Variants in ITSN1 observed in about 807,000 individuals in gnomAD.
ITSN1 encodes intersectin-1.
Under a neutral mutation model 239.8 loss-of-function variants are expected in ITSN1, and 58 were observed. The observed-to-expected ratio is 0.24, with a 90% CI of 0.20 to 0.30. The LOEUF (loss-of-function observed/expected upper bound fraction) is 0.30. Ranked by LOEUF, ITSN1 falls within the 10% of genes least tolerant of loss-of-function variation. The pLI is 1.00. For missense variants in ITSN1, 1,558 were observed against 2,103.3 expected (o/e 0.74, Z 5.07); for synonymous variants, 780 against 770.8 (o/e 1.01, Z -0.20).
At chr21:33,851,733 CT>C (rs112609513) in intron 29 of ITSN1, among the ~76,000 whole-genome samples, 5,051 of 98,578 alleles carry the variant, frequency 0.051, 356 homozygotes, top group African/African-American at 0.16. Flanking sequence ...ATTTTAATTT[CT>C]TTTTTTTTTT....
At chr21:33,728,350 A>AAC (rs2065955631) in intron 4 of ITSN1, among the ~76,000 whole-genome samples, 1 of 151,982 alleles carries the variant, frequency 6.6e-6, no homozygotes, top group Non-Finnish European at 1.5e-5. Context: ...CTCCTGCCTC[A>AAC]GCCTCCCGAG....
At chr21:33,687,704 C>T (rs1403994390) in intron 1 of ITSN1, among the ~76,000 whole-genome samples, 2 of 152,114 alleles carry the variant, frequency 1.3e-5, no homozygotes, top group East Asian at 3.8e-4. Context: ...GACAGTTGTT[C>T]GTAGCTTCTG....
chr21:33,689,925 A>AC (rs975959688), intron 1 of ITSN1, among the ~76,000 whole-genome samples: 2 of 149,900 alleles, frequency 1.3e-5, no homozygotes, highest in African/African-American at 2.5e-5. Context: ...CTGAGATTGC[A>AC]CCACTGCATT....
intron 1 of ITSN1, among the ~76,000 whole-genome samples, chr21:33,696,930 T>G (rs2091819585): frequency 6.6e-6 from 1 of 152,156 alleles, no homozygotes; most frequent in Non-Finnish European, 1.5e-5. Context: ...CAGTAGTAAA[T>G]TAGTGCACTG....
chr21:33,815,897 T>A (rs1412919244), intron 22 of ITSN1, among the ~76,000 whole-genome samples: 11 of 151,266 alleles, frequency 7.3e-5, no homozygotes, highest in African/African-American at 2.7e-4. Flanking sequence ...CAAAGAAGAA[T>A]GAAGAATTGG....
intron 2 of ITSN1, among the ~76,000 whole-genome samples, chr21:33,719,599 A>G (rs2065365695): frequency 6.6e-6 from 1 of 152,196 alleles, no homozygotes; most frequent in East Asian, 1.9e-4. Context: ...TAAGATACAA[A>G]CATTGCAATT....
chr21:33,834,467 C>A, intron 28 of ITSN1, 43 bp downstream of exon 28: 1 of 1,329,218 alleles, frequency 7.5e-7, no homozygotes, highest in Non-Finnish European at 1.1e-6. Context: ...GTCTGCATGC[C>A]ACTTGAGTTT....
intron 1 of ITSN1, among the ~76,000 whole-genome samples, chr21:33,645,825 C>T (rs560063216): frequency 6.6e-6 from 1 of 152,328 alleles, no homozygotes; most frequent in East Asian, 1.9e-4. Flanking sequence ...CTCTGAGCAT[C>T]TCCTGAGACT....
At chr21:33,643,557 T>A (rs1278568099) in intron 1 of ITSN1, 1 of 152,066 alleles carries the variant, frequency 6.6e-6, no homozygotes, top group Non-Finnish European at 1.5e-5. Flanking sequence ...TTTGTTGTGA[T>A]TCAGACTCAA....
At chr21:33,691,826 T>C (rs2091562511) in intron 1 of ITSN1, among the ~76,000 whole-genome samples, 1 of 152,212 alleles carries the variant, frequency 6.6e-6, no homozygotes, top group Admixed American at 6.5e-5. Flanking sequence ...ACCAATCCCA[T>C]TCATGAAGGC....
At chr21:33,671,054 T>C (rs2090242981) in intron 1 of ITSN1, among the ~76,000 whole-genome samples, 1 of 152,240 alleles carries the variant, frequency 6.6e-6, no homozygotes, top group Non-Finnish European at 1.5e-5. Flanking sequence ...CCGATAATTA[T>C]ACATGGGGTT....
chr21:33,663,005 GTAT>G (rs1269050191), intron 1 of ITSN1, among the ~76,000 whole-genome samples: 2 of 152,114 alleles, frequency 1.3e-5, no homozygotes, highest in African/African-American at 4.8e-5. Flanking sequence ...ATAAATAATA[GTAT>G]TATAACATTA....
intron 1 of ITSN1, among the ~76,000 whole-genome samples, chr21:33,697,086 CT>C (rs879424954): frequency 1.2e-3 from 160 of 139,038 alleles, no homozygotes; most frequent in Admixed American, 1.2e-3. Flanking sequence ...TAGATTGTCT[CT>C]TTTTTTTTTT....
intron 6 of ITSN1, among the ~76,000 whole-genome samples, chr21:33,751,186 AGT>A (rs1484072212): frequency 6.6e-6 from 1 of 152,230 alleles, no homozygotes; most frequent in Non-Finnish European, 1.5e-5. Flanking sequence ...TAGCCCAGAA[AGT>A]GTGTGCAGTT....
At chr21:33,794,635 T>C (rs1462206818) in intron 17 of ITSN1, among the ~76,000 whole-genome samples, 167 bp downstream of exon 17, 2 of 152,238 alleles carry the variant, frequency 1.3e-5, no homozygotes, top group Non-Finnish European at 2.9e-5. Context: ...AATCTTTGCA[T>C]GTATCAGTAC....
chr21:33,887,541 C>T (rs1327381695), intron 39 of ITSN1, among the ~76,000 whole-genome samples: 1 of 152,024 alleles, frequency 6.6e-6, no homozygotes, highest in African/African-American at 2.4e-5. Flanking sequence ...GTTTGGCTCC[C>T]AAGTCTGGGC....
intron 20 of ITSN1, among the ~76,000 whole-genome samples, chr21:33,808,841 T>C (rs928103959): frequency 5.9e-5 from 9 of 152,178 alleles, no homozygotes; most frequent in African/African-American, 1.7e-4. Flanking sequence ...CACTAAGTTA[T>C]TGTGTGTTTG....
At chr21:33,792,430 T>C (rs1332088492) in intron 16 of ITSN1, among the ~76,000 whole-genome samples, 1 of 152,198 alleles carries the variant, frequency 6.6e-6, no homozygotes, top group Non-Finnish European at 1.5e-5. Flanking sequence ...GGCGTAACTT[T>C]TAAGTATAGT....
At chr21:33,785,783 A>T (rs2070617143) in intron 16 of ITSN1, among the ~76,000 whole-genome samples, 1 of 152,216 alleles carries the variant, frequency 6.6e-6, no homozygotes, top group Non-Finnish European at 1.5e-5. Flanking sequence ...TGGAAATTGA[A>T]GGCTCATTTT....
Sources: gnomAD v4.1 joint callset for allele counts (sites outside exome capture counted in the v4.1 genomes callset) on GRCh38, gnomAD v4.1.1 for gene constraint, MANE v1.5 for transcripts, NCBI Gene and HGNC (gene_info 2026-07-23, HGNC 2026-07-21) for gene names.